SLC44A5: variants seen among roughly 807,000 people sequenced by gnomAD.
SLC44A5 encodes choline transporter-like protein 5.
SLC44A5 carries 57 observed loss-of-function variants against 101.8 expected under a neutral mutation model. The ratio of observed to expected loss-of-function variants is 0.56; its 90% confidence interval spans 0.45 to 0.70. The LOEUF is 0.70. Ranked by LOEUF, SLC44A5 falls within the 30% of genes least tolerant of loss-of-function variation. SLC44A5 has a pLI of 0.00. For synonymous variants in SLC44A5, 281 were observed against 290.9 expected, an observed-to-expected ratio of 0.97 and a Z score of 0.35; for missense variants, 737 against 853.1, an observed-to-expected ratio of 0.86 and a Z score of 1.70.
intron 5 of SLC44A5, among the ~76,000 whole-genome samples, chr1:75,288,719 C>G (rs1303405356): frequency 6.6e-6 from 1 of 152,190 alleles, no homozygotes; most frequent in Non-Finnish European, 1.5e-5. Context: ...CAAATCAAAA[C>G]AGCCTCTGTC....
intron 2 of SLC44A5, among the ~76,000 whole-genome samples, chr1:75,408,368 T>C (rs539941568): frequency 2.6e-5 from 4 of 152,308 alleles, no homozygotes; most frequent in South Asian, 4.1e-4. Flanking sequence ...ACTGGGTATA[T>C]ACCCAAAGGA....
chr1:75,288,942 T>C (rs538437537), intron 5 of SLC44A5, among the ~76,000 whole-genome samples: 1 of 152,314 alleles, frequency 6.6e-6, no homozygotes, highest in East Asian at 1.9e-4. Flanking sequence ...GATTTCCTTA[T>C]ATTCATAGCA....
intron 1 of SLC44A5, among the ~76,000 whole-genome samples, chr1:75,571,929 A>G (rs1356701831): frequency 6.6e-6 from 1 of 152,248 alleles, no homozygotes; most frequent in Non-Finnish European, 1.5e-5. Context: ...AATTAGAATT[A>G]GTCTGATATC....
At chr1:75,376,403 G>C (rs1003497277) in intron 3 of SLC44A5, among the ~76,000 whole-genome samples, 7 of 152,274 alleles carry the variant, frequency 4.6e-5, no homozygotes, top group Non-Finnish European at 8.8e-5. Context: ...CAAACAAAAA[G>C]ACAGCAGTAA....
the SLC44A5 span, among the ~76,000 whole-genome samples, chr1:75,680,807 A>C: frequency 1.4e-5 from 2 of 146,598 alleles, no homozygotes; most frequent in African/African-American, 4.9e-5. Context: ...CCTTCAAAAA[A>C]TTAATGAATC....
At chr1:75,499,383 C>T (rs777009188) in intron 2 of SLC44A5, among the ~76,000 whole-genome samples, 18 of 152,180 alleles carry the variant, frequency 1.2e-4, no homozygotes, top group Non-Finnish European at 8.8e-5. Flanking sequence ...AATCTAATGC[C>T]ACCTCTGATC....
chr1:75,448,391 G>A (rs1320787037), intron 2 of SLC44A5, among the ~76,000 whole-genome samples: 1 of 152,172 alleles, frequency 6.6e-6, no homozygotes, highest in Admixed American at 6.6e-5. Context: ...CCGAATGTTG[G>A]CCCAAATTTA....
intron 2 of SLC44A5, among the ~76,000 whole-genome samples, chr1:75,401,877 A>G (rs747187041): frequency 1.3e-5 from 2 of 152,200 alleles, no homozygotes; most frequent in Non-Finnish European, 2.9e-5. Flanking sequence ...AACAAAACTC[A>G]TTATCCTGTG....
chr1:75,306,783 G>T (rs1654942289), intron 4 of SLC44A5, among the ~76,000 whole-genome samples: 1 of 131,682 alleles, frequency 7.6e-6, no homozygotes, highest in East Asian at 2.8e-4. Context: ...GGCCCAGGCG[G>T]GAGTGCAGTG....
chr1:75,343,383 T>C (rs1193340889), intron 3 of SLC44A5, among the ~76,000 whole-genome samples: 2 of 152,154 alleles, frequency 1.3e-5, no homozygotes, highest in Non-Finnish European at 2.9e-5. Context: ...AGGTAACTAA[T>C]TCAATTCATA....
chr1:75,536,237 T>A (rs1670990881), intron 2 of SLC44A5, among the ~76,000 whole-genome samples: 1 of 152,030 alleles, frequency 6.6e-6, no homozygotes. Flanking sequence ...AAAATAATCA[T>A]AATAAAACTA....
chr1:75,474,503 T>C (rs1179391617), intron 2 of SLC44A5, among the ~76,000 whole-genome samples: 1 of 152,182 alleles, frequency 6.6e-6, no homozygotes, highest in African/African-American at 2.4e-5. Context: ...TGATAATCAA[T>C]ATAGTGGAGT....
At chr1:75,642,149 A>AG in the SLC44A5 span, 5 of 795,236 alleles carry the variant, frequency 6.3e-6, no homozygotes, top group African/African-American at 8.8e-5. Flanking sequence ...CCTGTAAATA[A>AG]ATAGCATCAG....
chr1:75,500,238 A>T (rs1668884325), intron 2 of SLC44A5, among the ~76,000 whole-genome samples: 1 of 152,212 alleles, frequency 6.6e-6, no homozygotes, highest in Admixed American at 6.5e-5. Context: ...CACAATCAAT[A>T]CTGAAAGTCA....
chr1:75,356,037 C>A (rs1659041097), intron 3 of SLC44A5, among the ~76,000 whole-genome samples: 1 of 151,412 alleles, frequency 6.6e-6, no homozygotes, highest in African/African-American at 2.4e-5. Flanking sequence ...CATGGTGAAA[C>A]CCCATCTCTA....
At chr1:75,332,753 A>T (rs1357266201) in intron 4 of SLC44A5, among the ~76,000 whole-genome samples, 1 of 152,106 alleles carries the variant, frequency 6.6e-6, no homozygotes, top group African/African-American at 2.4e-5. Flanking sequence ...AGATTCACTG[A>T]CTCTGTGATT....
At chr1:75,225,767 A>G (rs1456256667) in intron 13 of SLC44A5, among the ~76,000 whole-genome samples, 1 of 152,216 alleles carries the variant, frequency 6.6e-6, no homozygotes, top group Non-Finnish European at 1.5e-5. Flanking sequence ...GTGAGTTATG[A>G]AAGCGGAGGC....
chr1:75,705,308 T>C, the SLC44A5 span, among the ~76,000 whole-genome samples: 1 of 152,174 alleles, frequency 6.6e-6, no homozygotes, highest in African/African-American at 2.4e-5. Flanking sequence ...ACTATCTTAA[T>C]AAAAATGAGT....
chr1:75,363,386 T>C (rs1180615634), intron 3 of SLC44A5, among the ~76,000 whole-genome samples: 1 of 152,178 alleles, frequency 6.6e-6, no homozygotes, highest in Non-Finnish European at 1.5e-5. Context: ...TTCTTGTCTT[T>C]TTTGTGGTTT....
Sources: gnomAD v4.1 joint callset for allele counts (sites outside exome capture counted in the v4.1 genomes callset) on GRCh38, gnomAD v4.1.1 for gene constraint, MANE v1.5 for transcripts, NCBI Gene and HGNC (gene_info 2026-07-23, HGNC 2026-07-21) for gene names.